The following NLGN1 variants were observed in gnomAD, a reference collection of about 807,000 sequenced individuals.
NLGN1 encodes neuroligin-1.
NLGN1 carries 12 observed loss-of-function variants against 65.5 expected under a neutral mutation model. The ratio of observed to expected loss-of-function variants is 0.18; its 90% CI spans 0.12 to 0.30. NLGN1 has a LOEUF of 0.30. Ranked by LOEUF, NLGN1 falls within the 10% of genes least tolerant of loss-of-function variation. The pLI, the probability that NLGN1 is intolerant of heterozygous loss-of-function variation, is 1.00. For synonymous variants in NLGN1, 350 were observed against 359.5 expected (o/e 0.97, Z 0.30); for missense variants, 750 against 1,007.1 (o/e 0.74, Z 3.46).
chr3:174,029,206 T>G (rs1729432030), intron 4 of NLGN1, among the ~76,000 whole-genome samples: 1 of 152,136 alleles, frequency 6.6e-6, no homozygotes, highest in African/African-American at 2.4e-5. Context: ...CTGCAGACAC[T>G]CAACATCAGC....
intron 4 of NLGN1, among the ~76,000 whole-genome samples, chr3:173,937,526 A>T (rs780984924): frequency 7.2e-5 from 11 of 152,158 alleles, no homozygotes; most frequent in Non-Finnish European, 1.6e-4. Flanking sequence ...ACTACTGAGA[A>T]TTAAAAATCT....
At chr3:173,983,711 G>T (rs999947366) in intron 4 of NLGN1, among the ~76,000 whole-genome samples, 1 of 152,014 alleles carries the variant, frequency 6.6e-6, no homozygotes, top group Non-Finnish European at 1.5e-5. Context: ...CTCATGAATG[G>T]TTCCCCCTCA....
At chr3:173,818,524 A>C (rs895767461) in intron 4 of NLGN1, among the ~76,000 whole-genome samples, 12 of 152,322 alleles carry the variant, frequency 7.9e-5, no homozygotes, top group African/African-American at 2.6e-4. Flanking sequence ...AAATCCAGAC[A>C]AACAAACAGA....
chr3:173,411,804 G>A (rs1712622201), intron 1 of NLGN1, among the ~76,000 whole-genome samples: 1 of 151,932 alleles, frequency 6.6e-6, no homozygotes, highest in Admixed American at 6.6e-5. Flanking sequence ...TGCTTCTCTG[G>A]GTTACATCTG....
chr3:173,807,958 C>A, intron 4 of NLGN1, 126 bp downstream of exon 4: 1 of 899,008 alleles, frequency 1.1e-6, no homozygotes, highest in Non-Finnish European at 1.7e-6. Flanking sequence ...CATTCTCGAG[C>A]CCAAATTTTT....
At chr3:174,292,410 C>G in the NLGN1 span, among the ~76,000 whole-genome samples, 20 of 151,376 alleles carry the variant, frequency 1.3e-4, no homozygotes, top group Non-Finnish European at 2.5e-4. Context: ...GGAACCAATA[C>G]AAAGATGATC....
chr3:174,130,221 A>T (rs1719874131), intron 4 of NLGN1, among the ~76,000 whole-genome samples: 1 of 152,128 alleles, frequency 6.6e-6, no homozygotes, highest in Non-Finnish European at 1.5e-5. Flanking sequence ...AAAAATATAA[A>T]AAATTAGCTG....
At chr3:174,023,768 G>A (rs1171259816) in intron 4 of NLGN1, among the ~76,000 whole-genome samples, 1 of 152,102 alleles carries the variant, frequency 6.6e-6, no homozygotes, top group Non-Finnish European at 1.5e-5. Context: ...GGGTAAGTTT[G>A]ATTGAGCAAA....
intron 4 of NLGN1, among the ~76,000 whole-genome samples, chr3:173,853,997 A>C (rs562986904): frequency 6.6e-6 from 1 of 152,036 alleles, no homozygotes; most frequent in African/African-American, 2.4e-5. Context: ...TAAAAATACT[A>C]TACCTTTAAC....
At chr3:173,835,435 G>T (rs1216155249) in intron 4 of NLGN1, among the ~76,000 whole-genome samples, 3 of 151,864 alleles carry the variant, frequency 2.0e-5, no homozygotes, top group Admixed American at 6.6e-5. Flanking sequence ...AGAATTTAAG[G>T]CTGGATTGTT....
At chr3:174,243,975 C>G (rs1479004206) in intron 4 of NLGN1, among the ~76,000 whole-genome samples, 1 of 152,166 alleles carries the variant, frequency 6.6e-6, no homozygotes, top group African/African-American at 2.4e-5. Context: ...GGGCCTCTGA[C>G]ACTTCCATCA....
intron 2 of NLGN1, among the ~76,000 whole-genome samples, chr3:173,583,224 C>G (rs932073739): frequency 6.6e-6 from 1 of 152,170 alleles, no homozygotes; most frequent in Non-Finnish European, 1.5e-5. Flanking sequence ...ACCCTTTGCC[C>G]TTGCAAACAC....
intron 4 of NLGN1, among the ~76,000 whole-genome samples, chr3:174,258,910 A>G (rs1007464398): frequency 6.6e-6 from 1 of 152,100 alleles, no homozygotes; most frequent in Non-Finnish European, 1.5e-5. Flanking sequence ...AAAAGGTATT[A>G]TGTTGAAGAT....
intron 3 of NLGN1, among the ~76,000 whole-genome samples, chr3:173,780,150 C>T (rs1578394810): frequency 6.6e-6 from 1 of 152,152 alleles, no homozygotes; most frequent in Non-Finnish European, 1.5e-5. Flanking sequence ...GACACTTTAT[C>T]CTTAATTCAT....
intron 5 of NLGN1, among the ~76,000 whole-genome samples, chr3:174,278,350 C>G (rs1272050498): frequency 6.6e-6 from 1 of 151,864 alleles, no homozygotes; most frequent in African/African-American, 2.4e-5. Flanking sequence ...ACAGCCAGCC[C>G]CAGTCATTGT....
intron 4 of NLGN1, among the ~76,000 whole-genome samples, chr3:174,067,933 C>T: frequency 6.6e-6 from 1 of 152,124 alleles, no homozygotes; most frequent in Middle Eastern, 3.2e-3. Context: ...ATAGCATACC[C>T]TAGTTCTTTA....
intron 2 of NLGN1, among the ~76,000 whole-genome samples, chr3:173,594,063 C>T (rs1235486740): frequency 6.6e-6 from 1 of 152,100 alleles, no homozygotes; most frequent in Non-Finnish European, 1.5e-5. Flanking sequence ...AGAGCCATAC[C>T]ATGTCATTCT....
intron 3 of NLGN1, among the ~76,000 whole-genome samples, chr3:173,789,017 G>A (rs1402311484): frequency 6.6e-6 from 1 of 151,828 alleles, no homozygotes; most frequent in African/African-American, 2.4e-5. Flanking sequence ...CCAATATGGT[G>A]AAACTCTGTC....
intron 2 of NLGN1, among the ~76,000 whole-genome samples, chr3:173,449,456 A>G (rs1721052569): frequency 6.6e-6 from 1 of 152,014 alleles, no homozygotes; most frequent in African/African-American, 2.4e-5. Flanking sequence ...GTTCTTTTAC[A>G]TTTGCTGAGG....
Sources: gnomAD v4.1 joint callset for allele counts (sites outside exome capture counted in the v4.1 genomes callset) on GRCh38, gnomAD v4.1.1 for gene constraint, MANE v1.5 for transcripts, NCBI Gene and HGNC (gene_info 2026-07-23, HGNC 2026-07-21) for gene names.